The following NCAM2 variants were observed in gnomAD, a reference collection of about 807,000 sequenced individuals.
The protein encoded by NCAM2 is neural cell adhesion molecule 2.
In NCAM2, 30 loss-of-function variants were observed where a neutral mutation model predicts 98.1. That is an observed-to-expected ratio of 0.31 (90% confidence interval 0.23 to 0.41). The LOEUF (loss-of-function observed/expected upper bound fraction) is 0.41, where lower values mean the gene tolerates loss of function less well. NCAM2 is among the 10% of genes least tolerant of loss of function. The probability of loss-of-function intolerance (pLI) is 1.00; values close to 1 mark genes in which losing one functional copy is unlikely to be tolerated. For missense variants in NCAM2, 867 were observed against 1,005.8 expected (o/e 0.86, Z 1.87); for synonymous variants, 368 against 342.4 (o/e 1.07, Z -0.83).
At chr21:21,102,070 G>A (rs1396417012) in intron 1 of NCAM2, among the ~76,000 whole-genome samples, 2 of 151,990 alleles carry the variant, frequency 1.3e-5, no homozygotes, top group Non-Finnish European at 2.9e-5. Context: ...TAAAGTGAAG[G>A]TCTGTCTTCC....
intron 8 of NCAM2, among the ~76,000 whole-genome samples, chr21:21,360,221 T>A (rs2075608504): frequency 6.6e-6 from 1 of 151,922 alleles, no homozygotes; most frequent in African/African-American, 2.4e-5. Flanking sequence ...TGCAATGGAT[T>A]CATTTCTCTT....
At chr21:21,322,751 G>A (rs893877181) in intron 5 of NCAM2, among the ~76,000 whole-genome samples, 3 of 152,090 alleles carry the variant, frequency 2.0e-5, no homozygotes, top group African/African-American at 7.2e-5. Context: ...AAATATCTGA[G>A]GGTTGAGGAA....
intron 15 of NCAM2, among the ~76,000 whole-genome samples, chr21:21,506,443 AT>A (rs932222242): frequency 5.3e-5 from 8 of 152,076 alleles, no homozygotes; most frequent in African/African-American, 1.9e-4. Flanking sequence ...ATATACCATG[AT>A]TTTTTTTAAC....
rs1569093077 is a variant in NCAM2 at position 21,466,594 on chromosome 21, T to C, written c.1655-12T>C. ...ATATGTTTTATTTTGTTTTGTTTTG[T>C]TTTTCTTCTAGCAATGGTTGTTTTG... On this transcript the variant is annotated splice_polypyrimidine_tract_variant and intron_variant, in intron 12 of 17. Transcript: ENST00000400546. The C allele has an allele frequency of 6.5e-7, 1 of 1,548,892 alleles. No individual in the cohort carries two copies. The highest frequency in any genetic ancestry group is 1.2e-5 in the South Asian group (1 of 83,306).
chr21:21,269,184 C>T (rs1393364464), intron 1 of NCAM2, among the ~76,000 whole-genome samples: 5 of 152,008 alleles, frequency 3.3e-5, no homozygotes, highest in African/African-American at 1.2e-4. Context: ...ACTGTGTTTT[C>T]TTTGTATAAT....
At chr21:21,113,701 A>G (rs1405439091) in intron 1 of NCAM2, among the ~76,000 whole-genome samples, 3 of 152,214 alleles carry the variant, frequency 2.0e-5, no homozygotes, top group Admixed American at 6.5e-5. Flanking sequence ...CTTAACGTTG[A>G]CAAAATTTGT....
At chr21:21,073,433 T>C (rs1233330306) in intron 1 of NCAM2, among the ~76,000 whole-genome samples, 1 of 152,200 alleles carries the variant, frequency 6.6e-6, no homozygotes, top group Non-Finnish European at 1.5e-5. Flanking sequence ...TTTCAGCATG[T>C]TACTTGGAGA....
intron 5 of NCAM2, among the ~76,000 whole-genome samples, chr21:21,311,577 G>A (rs934809177): frequency 2.0e-5 from 3 of 151,974 alleles, no homozygotes; most frequent in Non-Finnish European, 2.9e-5. Context: ...TCCTGACCTC[G>A]TGATCCACCC....
intron 1 of NCAM2, among the ~76,000 whole-genome samples, chr21:21,109,778 C>G (rs1366956188): frequency 6.6e-6 from 1 of 152,144 alleles, no homozygotes; most frequent in Non-Finnish European, 1.5e-5. Context: ...GTGTCTAATT[C>G]ATCCCTCTTT....
intron 1 of NCAM2, among the ~76,000 whole-genome samples, chr21:21,160,824 A>G (rs879509261): frequency 3.9e-5 from 6 of 152,036 alleles, no homozygotes; most frequent in Non-Finnish European, 8.8e-5. Context: ...AGGACCCAAT[A>G]TCATAATTTT....
intron 1 of NCAM2, among the ~76,000 whole-genome samples, chr21:21,265,445 T>TAA (rs2072215433): frequency 4.5e-5 from 4 of 89,236 alleles, no homozygotes; most frequent in East Asian, 2.9e-4. Flanking sequence ...ATATTATATA[T>TAA]ACACACATAT....
intron 1 of NCAM2, 143 bp from the exon 2 acceptor site, chr21:21,280,434 CA>C: frequency 1.7e-6 from 1 of 573,594 alleles, no homozygotes; most frequent in Non-Finnish European, 3.0e-6. Flanking sequence ...TCATGTTTTA[CA>C]AAACTTTCAT....
chr21:21,041,824 TA>T (rs1443453015), intron 1 of NCAM2, among the ~76,000 whole-genome samples: 2 of 152,218 alleles, frequency 1.3e-5, no homozygotes, highest in African/African-American at 4.8e-5. Flanking sequence ...GATAGATGAT[TA>T]TTCTGATCTT....
chr21:21,142,377 G>GTTTTTTTTTTTTT (rs10686568), intron 1 of NCAM2, among the ~76,000 whole-genome samples: 69 of 107,156 alleles, frequency 6.4e-4, no homozygotes, highest in Admixed American at 7.7e-4. Context: ...TTTTTTTTAT[G>GTTTTTTTTTTTTT]TTTTTTTTTT....
Position 21,512,250 on chromosome 21 carries a change from G to A in NCAM2, c.2282+3195G>A, listed in dbSNP as rs925585101. On this transcript the variant is annotated intron_variant, in intron 16 of 17. Transcript: ENST00000400546. ...GGTCTTCGATTTAAGTCATTATTCT[G>A]TTTTGATTTGTTCTTTGTATATGGC... Among the ~76,000 whole-genome samples the A allele has an allele frequency of 4.6e-5, 7 of 152,002 alleles. No homozygotes were observed. The South Asian group carries it at 6.2e-4, about 14-fold the overall frequency.
At chr21:21,102,241 T>C (rs2066257847) in intron 1 of NCAM2, among the ~76,000 whole-genome samples, 1 of 152,086 alleles carries the variant, frequency 6.6e-6, no homozygotes, top group South Asian at 2.1e-4. Context: ...CTTATGTAGA[T>C]TGTGAATCAC....
At position 21,533,166 on chromosome 21, in the gene NCAM2, C is replaced by CTTTTTTTTTTTTTTTTTTTTTTTTTT. The variant is rs201532023; in HGVS notation, c.2283-1358_2283-1357insTTTTTTTTTTTTTTTTTTTTTTTTTT. ...CCATTGTAGATTTGTTGTTTGCTTGCTTTTTTTTTTTTTGGTAATCCTAGT... is the reference window on the plus strand; with the variant it reads ...CCATTGTAGATTTGTTGTTTGCTTGCTTTTTTTTTTTTTTTTTTTTTTTTTTTTTTTTTTTTTTTGGTAATCCTAGT... On this transcript the variant is annotated intron_variant, in intron 16 of 17. Coordinates refer to ENST00000400546, the MANE Select transcript of NCAM2 (RefSeq NM_004540.5). Among the ~76,000 whole-genome samples the CTTTTTTTTTTTTTTTTTTTTTTTTTT allele has an allele frequency of 9.6e-5, 9 of 93,798 alleles. 1 individual carries two copies. The highest frequency in any genetic ancestry group is 1.4e-4 in the Admixed American group (1 of 6,920). 61.5% of individuals were successfully genotyped at this position (93,798 alleles called of 152,430 possible).
chr21:21,513,660 T>A (rs897102051), intron 16 of NCAM2, among the ~76,000 whole-genome samples: 1 of 152,142 alleles, frequency 6.6e-6, no homozygotes, highest in South Asian at 2.1e-4. Flanking sequence ...GAGAAGAAAG[T>A]GTATTCTTAA....
intron 1 of NCAM2, among the ~76,000 whole-genome samples, chr21:21,277,394 T>G (rs1166242063): frequency 6.6e-6 from 1 of 152,098 alleles, no homozygotes; most frequent in Non-Finnish European, 1.5e-5. Flanking sequence ...ATCAAAGATA[T>G]TGATGTATTT....
Sources: gnomAD v4.1 joint callset for allele counts (sites outside exome capture counted in the v4.1 genomes callset) on GRCh38, gnomAD v4.1.1 for gene constraint, MANE v1.5 for transcripts, NCBI Gene and HGNC (gene_info 2026-07-23, HGNC 2026-07-21) for gene names.